PSD3: variants seen among roughly 807,000 people sequenced by gnomAD.
PSD3 encodes the protein pleckstrin and Sec7 domain containing 3.
PSD3 carries 49 observed loss-of-function variants against 105.5 expected under a neutral mutation model. That is an observed-to-expected ratio of 0.46 (90% confidence interval 0.37 to 0.59). The LOEUF (loss-of-function observed/expected upper bound fraction) is 0.59. Ranked by LOEUF, PSD3 falls within the 20% of genes least tolerant of loss-of-function variation. The pLI is 0.00. For missense variants in PSD3, 1,561 were observed against 1,263.8 expected, an observed-to-expected ratio of 1.24 and a Z score of -3.57; for synonymous variants, 557 against 457.8, an observed-to-expected ratio of 1.22 and a Z score of -2.77.
At chr8:18,800,057 T>C (rs1317205671) in intron 7 of PSD3, among the ~76,000 whole-genome samples, 1 of 152,218 alleles carries the variant, frequency 6.6e-6, no homozygotes, top group African/African-American at 2.4e-5. Context: ...GTATATTTAT[T>C]CTAGTACCAC....
intron 10 of PSD3, among the ~76,000 whole-genome samples, chr8:18,635,050 T>A (rs1807158013): frequency 1.3e-5 from 2 of 152,190 alleles, no homozygotes; most frequent in Admixed American, 1.3e-4. Context: ...CACATGGATA[T>A]TTGTTTTATT....
chr8:18,868,484 T>C (rs910036044), intron 3 of PSD3, among the ~76,000 whole-genome samples: 1 of 152,140 alleles, frequency 6.6e-6, no homozygotes, highest in Non-Finnish European at 1.5e-5. Flanking sequence ...CACCAAACTT[T>C]CATCAGTTGA....
chr8:18,585,932 T>C (rs1313285396), intron 12 of PSD3, among the ~76,000 whole-genome samples: 1 of 152,092 alleles, frequency 6.6e-6, no homozygotes, highest in East Asian at 1.9e-4. Context: ...TTCGTAACTC[T>C]TCAAGGTGTG....
chr8:18,718,562 A>G (rs374441657), intron 9 of PSD3, among the ~76,000 whole-genome samples: 2 of 152,364 alleles, frequency 1.3e-5, no homozygotes, highest in South Asian at 4.1e-4. Flanking sequence ...ATTTGCTAAA[A>G]CAAATGTTTA....
chr8:18,904,297 T>C (rs780799495), intron 2 of PSD3, among the ~76,000 whole-genome samples: 1 of 152,124 alleles, frequency 6.6e-6, no homozygotes, highest in African/African-American at 2.4e-5. Flanking sequence ...GGATCAACCT[T>C]ATAGACCCCA....
intron 4 of PSD3, among the ~76,000 whole-genome samples, chr8:18,827,444 G>A (rs1016036220): frequency 2.0e-5 from 3 of 152,200 alleles, no homozygotes; most frequent in Admixed American, 1.3e-4. Context: ...AGAGAGGGGC[G>A]TGGAATGCTT....
chr8:18,768,285 C>CA (rs1355799630), intron 8 of PSD3, among the ~76,000 whole-genome samples: 2 of 150,666 alleles, frequency 1.3e-5, no homozygotes, highest in East Asian at 4.0e-4. Flanking sequence ...GAGTCCAGTT[C>CA]AAAAAATAAA....
intron 9 of PSD3, among the ~76,000 whole-genome samples, chr8:18,762,255 G>A (rs1051941068): frequency 6.6e-5 from 10 of 152,176 alleles, no homozygotes; most frequent in African/African-American, 2.2e-4. Flanking sequence ...TTAACAGTGT[G>A]CAGCATCTCC....
rs866325275 is a variant in PSD3 at position 18,986,342 on chromosome 8, C to T, written c.21+27221G>A. On this transcript the variant is annotated intron_variant, in intron 1 of 15. Transcript: ENST00000327040. ...TGTTTTTGTTAGTGCTTTTATTTTG[C>T]CTTTACTGTCAAATACTGGGTACCT... 5.9e-5 allele frequency among the ~76,000 whole-genome samples: 9 copies of T among 152,124 alleles called. No individual in the cohort carries two copies. The South Asian group carries it at 1.5e-3, about 25-fold the overall frequency.
intron 4 of PSD3, among the ~76,000 whole-genome samples, chr8:18,816,111 A>G (rs1368298516): frequency 1.3e-5 from 2 of 152,220 alleles, no homozygotes; most frequent in African/African-American, 4.8e-5. Context: ...TATGGGATTA[A>G]CAGGGGACGT....
rs1563225705 is a variant in PSD3 at position 18,752,592 on chromosome 8, AT to A, written c.2172+12856del. ...ATATATATAATTATATATATTATAT[AT>A]TATATATTATATATAATACATATAA... On this transcript the variant is annotated intron_variant, in intron 9 of 15. Coordinates refer to ENST00000327040, the MANE Select transcript of PSD3 (RefSeq NM_015310.4). Among the ~76,000 whole-genome samples the A allele has an allele frequency of 4.3e-3, 358 of 83,978 alleles. 12 individuals carry two copies. Among genetic ancestry groups the A allele is most frequent in the Admixed American group, 0.026 (123 of 4,752 alleles). The allele number at this position is 83,978 out of a possible 152,430, so 55.1% of individuals were successfully genotyped here.
intron 1 of PSD3, among the ~76,000 whole-genome samples, chr8:18,956,745 C>T (rs1298461166): frequency 6.6e-6 from 1 of 152,020 alleles, no homozygotes; most frequent in East Asian, 1.9e-4. Flanking sequence ...TTACATATAT[C>T]CCTCTCTAGC....
intron 12 of PSD3, among the ~76,000 whole-genome samples, chr8:18,597,068 C>T (rs1460874010): frequency 6.6e-6 from 1 of 152,124 alleles, no homozygotes; most frequent in Non-Finnish European, 1.5e-5. Flanking sequence ...AAACTCTAAA[C>T]ATAATGCTGG....
chr8:18,810,042 GTCCT>G (rs1811559681), intron 4 of PSD3, among the ~76,000 whole-genome samples: 2 of 151,900 alleles, frequency 1.3e-5, no homozygotes, highest in South Asian at 4.1e-4. Context: ...TTTTCAACCT[GTCCT>G]CTACCATTTC....
intron 2 of PSD3, among the ~76,000 whole-genome samples, chr8:18,889,116 C>T (rs987210919): frequency 6.6e-6 from 1 of 152,108 alleles, no homozygotes; most frequent in African/African-American, 2.4e-5. Flanking sequence ...TTGACTAACC[C>T]CCTAAAACAC....
chr8:19,008,833 T>G (rs1003150573), intron 1 of PSD3, among the ~76,000 whole-genome samples: 1 of 152,168 alleles, frequency 6.6e-6, no homozygotes, highest in African/African-American at 2.4e-5. Flanking sequence ...ATGAATGCCC[T>G]CGGCTCATTC....
chr8:18,655,587 A>T, intron 10 of PSD3, 55 bp downstream of exon 10: 5 of 1,499,632 alleles, frequency 3.3e-6, no homozygotes, highest in Non-Finnish European at 4.6e-6. Flanking sequence ...GCATAAAGAC[A>T]GTAGGAAAAA....
intron 11 of PSD3, among the ~76,000 whole-genome samples, chr8:18,606,718 A>G (rs557665678): frequency 6.6e-6 from 1 of 152,280 alleles, no homozygotes; most frequent in African/African-American, 2.4e-5. Context: ...AGTAGGTGAG[A>G]TAAGAGAAAA....
intron 2 of PSD3, among the ~76,000 whole-genome samples, chr8:18,921,677 G>A (rs1821030659): frequency 6.6e-6 from 1 of 152,186 alleles, no homozygotes; most frequent in South Asian, 2.1e-4. Context: ...GATGCTACTT[G>A]GGGTTGCAAA....
Sources: gnomAD v4.1 joint callset for allele counts (sites outside exome capture counted in the v4.1 genomes callset) on GRCh38, gnomAD v4.1.1 for gene constraint, MANE v1.5 for transcripts, NCBI Gene and HGNC (gene_info 2026-07-23, HGNC 2026-07-21) for gene names.